Variants in FAM20B observed in about 807,000 individuals in gnomAD.
The protein encoded by FAM20B is glycosaminoglycan xylosylkinase.
A neutral mutation model predicts 43.8 loss-of-function variants in FAM20B; 23 were observed. The observed-to-expected ratio is 0.53, with a 90% confidence interval of 0.38 to 0.74. FAM20B has a LOEUF of 0.74. FAM20B is among the 30% of genes least tolerant of loss of function. The probability of loss-of-function intolerance (pLI) is 0.00; values close to 1 mark genes in which losing one functional copy is unlikely to be tolerated. For missense variants in FAM20B, 440 were observed against 510.5 expected (o/e 0.86, Z 1.33); for synonymous variants, 178 against 192.4 (o/e 0.93, Z 0.62).
At chr1:179,022,266 A>G (rs1019638749), upstream of FAM20B, among the ~76,000 whole-genome samples, 12 of 152,188 alleles carry the variant, frequency 7.9e-5, no homozygotes, top group Non-Finnish European at 1.6e-4. Flanking sequence ...GGAAGGAAAC[A>G]GAGAGATATG....
Position 179,040,541 on chromosome 1 carries a change from A to AC in FAM20B, c.-133-3168dup, listed in dbSNP as rs549103100. Among the ~76,000 whole-genome samples the AC allele has an allele frequency of 5.2e-3, 486 of 94,276 alleles. 62 individuals are homozygous for AC. Among genetic ancestry groups the AC allele is most frequent in the African/African-American group, 0.021 (452 of 21,872 alleles). 61.8% of individuals were successfully genotyped at this position (94,276 alleles called of 152,430 possible). ...GGGCGGCTGGCCGGGCGGGGGGCTGACCCCCCTACCTCCCTCCAGGACGGG... is the reference window on the plus strand; with the variant it reads ...GGGCGGCTGGCCGGGCGGGGGGCTGACCCCCCCTACCTCCCTCCAGGACGGG... On this transcript the variant is annotated intron_variant, in intron 1 of 7. Coordinates refer to ENST00000263733, the MANE Select transcript of FAM20B (RefSeq NM_014864.4).
chr1:179,044,234 G>C lies in FAM20B; in HGVS notation c.377+10G>C. On this transcript the variant is annotated intron_variant, in intron 2 of 7. Transcript: ENST00000263733. ...TTTTCAAACCTAAGCGGTAAGTTTTGATCTTGGAAGCTGCATGTGCTAGTT... is the reference window on the plus strand; with the variant it reads ...TTTTCAAACCTAAGCGGTAAGTTTTCATCTTGGAAGCTGCATGTGCTAGTT... 6.3e-7 allele frequency: 1 copy of C among 1,588,110 alleles called. No homozygotes were observed. Among genetic ancestry groups the C allele is most frequent in the Non-Finnish European group, 8.6e-7 (1 of 1,165,444 alleles).
At chr1:179,047,798 T>C (rs1370289368) in intron 2 of FAM20B, among the ~76,000 whole-genome samples, 2 of 152,238 alleles carry the variant, frequency 1.3e-5, no homozygotes, top group African/African-American at 4.8e-5. Context: ...TGCAAATTAA[T>C]GTCCTTGGTC....
chr1:179,038,659 G>T (rs1351615057), intron 1 of FAM20B, among the ~76,000 whole-genome samples: 2 of 152,188 alleles, frequency 1.3e-5, no homozygotes. Flanking sequence ...TGTGGTTTAG[G>T]TTGCATTAGA....
chr1:179,048,380 C>T lies in FAM20B; in HGVS notation c.378-1899C>T, dbSNP rs111538949. The stretch of plus-strand genomic sequence containing the variant: ...AGTGTAGTTCTTTTGATTCTTATTC[C>T]TTTTCTCTTCCCTCCATCTTTTCCT... On this transcript the variant is annotated intron_variant, in intron 2 of 7. Coordinates refer to ENST00000263733, the MANE Select transcript of FAM20B (RefSeq NM_014864.4). 9.1e-3 allele frequency among the ~76,000 whole-genome samples: 1,383 copies of T among 152,248 alleles called. 7 individuals carry two copies. Among genetic ancestry groups the T allele is most frequent in the Middle Eastern group, 0.027 (8 of 294 alleles).
intron 4 of FAM20B, among the ~76,000 whole-genome samples, chr1:179,056,169 A>G (rs1651210862): frequency 6.6e-6 from 1 of 152,116 alleles, no homozygotes. Context: ...TTACATTCCC[A>G]TTCACTCTTG....
upstream of FAM20B, among the ~76,000 whole-genome samples, chr1:179,022,757 C>T (rs1052633176): frequency 5.3e-5 from 8 of 152,178 alleles, no homozygotes; most frequent in Non-Finnish European, 7.3e-5. Flanking sequence ...CTACAGAAGA[C>T]GCAGATGTCA....
chr1:179,022,407 G>T (rs1034508561), upstream of FAM20B, among the ~76,000 whole-genome samples: 2 of 152,144 alleles, frequency 1.3e-5, no homozygotes, highest in African/African-American at 4.8e-5. Flanking sequence ...GTTTCAGAGG[G>T]ATCCATCATG....
At chr1:179,065,067 T>TA (rs775423095) in intron 6 of FAM20B, among the ~76,000 whole-genome samples, 24 of 152,184 alleles carry the variant, frequency 1.6e-4, no homozygotes, top group Non-Finnish European at 3.2e-4. Flanking sequence ...CTTATTTTTT[T>TA]AGGCCTGAGC....
At chr1:179,035,602 G>A (rs1650193019) in intron 1 of FAM20B, 4 of 529,236 alleles carry the variant, frequency 7.6e-6, no homozygotes, top group Non-Finnish European at 1.4e-5. Flanking sequence ...ATGGCTGCAC[G>A]TAACTGTGGC....
chr1:179,042,101 T>G (rs1650574131), intron 1 of FAM20B, among the ~76,000 whole-genome samples: 1 of 152,218 alleles, frequency 6.6e-6, no homozygotes, highest in Admixed American at 6.5e-5. Context: ...GAAACCTCTG[T>G]GGCCGTGGTG....
At chr1:179,050,656 C>G (rs1034021589) in intron 3 of FAM20B, among the ~76,000 whole-genome samples, 12 of 152,142 alleles carry the variant, frequency 7.9e-5, no homozygotes, top group African/African-American at 2.7e-4. Context: ...GAACTTAAAT[C>G]TCTGAATTGA....
At chr1:179,047,859 C>G (rs1191434310) in intron 2 of FAM20B, among the ~76,000 whole-genome samples, 1 of 152,204 alleles carries the variant, frequency 6.6e-6, no homozygotes, top group African/African-American at 2.4e-5. Flanking sequence ...TTGGCAGTTA[C>G]TGTATGAATT....
intron 4 of FAM20B, among the ~76,000 whole-genome samples, 170 bp downstream of exon 4, chr1:179,054,808 A>T (rs905169053): frequency 3.3e-5 from 5 of 152,192 alleles, no homozygotes; most frequent in African/African-American, 1.2e-4. Flanking sequence ...TCTAAAGGAG[A>T]TGGCAGGAAA....
chr1:179,066,829 G>A lies in FAM20B; in HGVS notation c.968G>A (p.Ser323Asn). ...SFGNPSLDER[S>N]ILAPLYQCCI... ...GGGAACCCCTCGCTGGATGAAAGAA[G>A]CATTCTTGCCCCTCTCTATCAGTGT... The change falls in exon 7 of 8, where the codon AGC (serine) becomes AAC (asparagine). Residue 323 changes from serine (S) to asparagine (N), a missense_variant. Physicochemically the swap from Ser to Asn is conservative, Grantham distance 46 (BLOSUM62 1). Coordinates refer to ENST00000263733, the MANE Select transcript of FAM20B (RefSeq NM_014864.4). The A allele has an allele frequency of 6.2e-7, 1 of 1,613,124 alleles. No individual in the cohort carries two copies. Among genetic ancestry groups the A allele is most frequent in the Non-Finnish European group, 8.5e-7 (1 of 1,179,082 alleles).
chr1:179,062,027 G>A (rs980490125), intron 4 of FAM20B, among the ~76,000 whole-genome samples: 5 of 150,598 alleles, frequency 3.3e-5, no homozygotes. Context: ...TTTTTTTTGA[G>A]ATGGAGTTTT....
intron 1 of FAM20B, among the ~76,000 whole-genome samples, chr1:179,029,014 G>A (rs144715902): frequency 6.6e-6 from 1 of 152,348 alleles, no homozygotes; most frequent in Non-Finnish European, 1.5e-5. Context: ...CCTGGCAGTA[G>A]CCTGTGCAGG....
chr1:179,049,072 G>A (rs904198249), intron 2 of FAM20B, among the ~76,000 whole-genome samples: 5 of 152,128 alleles, frequency 3.3e-5, no homozygotes. Context: ...CCAATAGAGA[G>A]GACATAGGTG....
chr1:179,035,055 C>G (rs560081461), intron 1 of FAM20B, among the ~76,000 whole-genome samples: 1 of 152,240 alleles, frequency 6.6e-6, no homozygotes, highest in Non-Finnish European at 1.5e-5. Flanking sequence ...GGGGACACTT[C>G]TAATAAGGCT....
Sources: gnomAD v4.1 joint callset for allele counts (sites outside exome capture counted in the v4.1 genomes callset) on GRCh38, gnomAD v4.1.1 for gene constraint, MANE v1.5 for transcripts, NCBI Gene and HGNC (gene_info 2026-07-23, HGNC 2026-07-21) for gene names.